Variants in FOXP2 observed in about 807,000 individuals in gnomAD.
FOXP2 encodes the protein forkhead box P2, also known as forkhead box protein P2.
FOXP2 carries 12 observed loss-of-function variants against 115.8 expected under a neutral mutation model. The observed-to-expected ratio is 0.10, with a 90% CI of 0.07 to 0.17. The LOEUF is 0.17. Ranked by LOEUF, FOXP2 falls within the 10% of genes least tolerant of loss-of-function variation. FOXP2 has a pLI of 1.00. For synonymous variants in FOXP2, 328 were observed against 297.7 expected, an observed-to-expected ratio of 1.10 and a Z score of -1.05; for missense variants, 629 against 843.5, an observed-to-expected ratio of 0.75 and a Z score of 3.15.
intron 9 of FOXP2, among the ~76,000 whole-genome samples, chr7:114,652,864 C>T (rs1806353703): frequency 6.6e-6 from 1 of 152,042 alleles, no homozygotes; most frequent in East Asian, 1.9e-4. Context: ...TCAAATGCGA[C>T]TGTTTTAAGT....
intron 1 of FOXP2, among the ~76,000 whole-genome samples, chr7:114,210,528 G>T (rs918341587): frequency 2.9e-4 from 44 of 152,114 alleles, no homozygotes; most frequent in Admixed American, 2.8e-3. Flanking sequence ...CCTGGAAGCT[G>T]TATGTCCCAG....
At chr7:114,389,400 C>T (rs939624267) in intron 2 of FOXP2, among the ~76,000 whole-genome samples, 13 of 152,096 alleles carry the variant, frequency 8.5e-5, no homozygotes, top group Non-Finnish European at 1.3e-4. Flanking sequence ...AATGTTATTC[C>T]GGGTTATTGA....
intron 1 of FOXP2, among the ~76,000 whole-genome samples, chr7:114,252,865 G>A (rs947563245): frequency 3.3e-5 from 5 of 152,076 alleles, no homozygotes; most frequent in Admixed American, 6.6e-5. Flanking sequence ...TGCTTCTCTA[G>A]TTCTTTTAAT....
At chr7:114,494,290 C>T (rs1427613575) in intron 2 of FOXP2, among the ~76,000 whole-genome samples, 2 of 152,026 alleles carry the variant, frequency 1.3e-5, no homozygotes. Context: ...TCAGTACCAC[C>T]ACAATTTTTG....
intron 2 of FOXP2, among the ~76,000 whole-genome samples, chr7:114,468,550 T>C (rs910944753): frequency 1.3e-5 from 2 of 152,100 alleles, no homozygotes; most frequent in Admixed American, 1.3e-4. Flanking sequence ...TGTAGTTCCC[T>C]ACGCTACATA....
intron 2 of FOXP2, among the ~76,000 whole-genome samples, chr7:114,373,309 C>T (rs1375838815): frequency 6.6e-6 from 1 of 152,048 alleles, no homozygotes; most frequent in Non-Finnish European, 1.5e-5. Flanking sequence ...CGTGAGCAGT[C>T]GCGCCCAGCC....
chr7:114,454,284 G>T (rs1173234038), intron 2 of FOXP2, among the ~76,000 whole-genome samples: 2 of 152,070 alleles, frequency 1.3e-5, no homozygotes, highest in Non-Finnish European at 2.9e-5. Flanking sequence ...ATCATCACTG[G>T]CCATCAGAGA....
intron 2 of FOXP2, among the ~76,000 whole-genome samples, chr7:114,393,352 G>GT (rs1176670931): frequency 6.6e-6 from 1 of 151,878 alleles, no homozygotes; most frequent in African/African-American, 2.4e-5. Flanking sequence ...CAAAAAAATG[G>GT]TAGGTGTCTG....
intron 2 of FOXP2, among the ~76,000 whole-genome samples, chr7:114,500,927 T>C (rs1048273537): frequency 2.6e-5 from 4 of 152,224 alleles, no homozygotes; most frequent in African/African-American, 9.6e-5. Context: ...ATCACATTTA[T>C]CAGTTTTTTT....
At chr7:114,298,763 A>G (rs1796807040) in intron 2 of FOXP2, among the ~76,000 whole-genome samples, 1 of 152,204 alleles carries the variant, frequency 6.6e-6, no homozygotes, top group African/African-American at 2.4e-5. Context: ...GGCCTGAAAC[A>G]CAGTATGTAT....
chr7:114,187,571 G>A (rs1003370763), intron 1 of FOXP2, among the ~76,000 whole-genome samples: 1 of 152,176 alleles, frequency 6.6e-6, no homozygotes, highest in East Asian at 1.9e-4. Context: ...GCTGACAAAA[G>A]AATTGCCCTT....
chr7:114,659,812 C>T (rs1372231980), intron 13 of FOXP2, 139 bp downstream of exon 13: 1 of 723,218 alleles, frequency 1.4e-6, no homozygotes, highest in African/African-American at 1.8e-5. Context: ...GAATGAATTC[C>T]CTCTCTCAAA....
chr7:114,619,056 A>T (rs532689441), intron 3 of FOXP2, among the ~76,000 whole-genome samples: 1 of 152,334 alleles, frequency 6.6e-6, no homozygotes, highest in African/African-American at 2.4e-5. Flanking sequence ...AAAGTGACAA[A>T]GCAAGCAAGA....
At chr7:114,624,921 A>AT (rs927765972) in intron 3 of FOXP2, among the ~76,000 whole-genome samples, 21 of 147,574 alleles carry the variant, frequency 1.4e-4, no homozygotes, top group East Asian at 3.9e-4. Context: ...TAATACCTAA[A>AT]TTTTTTTTTT....
At chr7:114,657,272 T>G (rs1806639882) in intron 10 of FOXP2, among the ~76,000 whole-genome samples, 1 of 152,286 alleles carries the variant, frequency 6.6e-6, no homozygotes, top group Admixed American at 6.5e-5. Flanking sequence ...GCATACATTC[T>G]CACCTTTTTT....
At chr7:114,556,244 C>A (rs1470921135) in intron 3 of FOXP2, among the ~76,000 whole-genome samples, 2 of 152,144 alleles carry the variant, frequency 1.3e-5, no homozygotes, top group Admixed American at 6.5e-5. Flanking sequence ...GGGACCAAAT[C>A]ATAATCAGAG....
chr7:114,380,901 T>G (rs896691635), intron 2 of FOXP2, among the ~76,000 whole-genome samples: 1 of 152,248 alleles, frequency 6.6e-6, no homozygotes, highest in Non-Finnish European at 1.5e-5. Flanking sequence ...CCTTTGGACC[T>G]GTGTAAGGAC....
chr7:114,247,181 C>T (rs2129168720), intron 1 of FOXP2, among the ~76,000 whole-genome samples: 1 of 152,218 alleles, frequency 6.6e-6, no homozygotes, highest in South Asian at 2.1e-4. Flanking sequence ...CCTATATCTT[C>T]CTTATGTAGT....
chr7:114,687,601 G>A (rs1357129313), intron 16 of FOXP2, among the ~76,000 whole-genome samples: 1 of 152,186 alleles, frequency 6.6e-6, no homozygotes, highest in Non-Finnish European at 1.5e-5. Flanking sequence ...TTTCACATTA[G>A]GAGAAGGCTT....
Sources: gnomAD v4.1 joint callset for allele counts (sites outside exome capture counted in the v4.1 genomes callset) on GRCh38, gnomAD v4.1.1 for gene constraint, MANE v1.5 for transcripts, NCBI Gene and HGNC (gene_info 2026-07-23, HGNC 2026-07-21) for gene names.